The following CTNND2 variants were observed in gnomAD, a reference collection of about 807,000 sequenced individuals.
CTNND2 encodes catenin delta-2.
A neutral mutation model predicts 144.4 loss-of-function variants in CTNND2; 22 were observed. The observed-to-expected ratio is 0.15, with a 90% CI of 0.11 to 0.22. The LOEUF is 0.22. Among genes scored for constraint, CTNND2 ranks in the 10% least tolerant of loss-of-function variants. The probability of loss-of-function intolerance (pLI) is 1.00; values close to 1 mark genes in which losing one functional copy is unlikely to be tolerated. For synonymous variants in CTNND2, 751 were observed against 695.6 expected (o/e 1.08, Z -1.25); for missense variants, 1,353 against 1,618.8 (o/e 0.84, Z 2.82).
At chr5:11,263,100 T>C (rs1745081895) in intron 9 of CTNND2, among the ~76,000 whole-genome samples, 1 of 152,204 alleles carries the variant, frequency 6.6e-6, no homozygotes, top group Admixed American at 6.5e-5. Context: ...ATCATCTGTG[T>C]GTATGACAAG....
intron 2 of CTNND2, among the ~76,000 whole-genome samples, chr5:11,621,989 C>G (rs1443780418): frequency 6.6e-6 from 1 of 152,146 alleles, no homozygotes; most frequent in East Asian, 1.9e-4. Context: ...TTCAGCATCA[C>G]TTAAAATTAA....
intron 10 of CTNND2, among the ~76,000 whole-genome samples, chr5:11,216,775 G>A (rs1334514923): frequency 2.0e-5 from 3 of 152,334 alleles, no homozygotes; most frequent in South Asian, 2.1e-4. Context: ...CTTCAGGCTC[G>A]CTGGATAAGA....
At chr5:11,657,430 T>C (rs1782971673) in intron 2 of CTNND2, among the ~76,000 whole-genome samples, 1 of 152,114 alleles carries the variant, frequency 6.6e-6, no homozygotes, top group African/African-American at 2.4e-5. Flanking sequence ...TCTCTCTCTG[T>C]TTCCTTCCTT....
At chr5:11,759,487 T>C (rs1485875040) in intron 1 of CTNND2, among the ~76,000 whole-genome samples, 1 of 152,132 alleles carries the variant, frequency 6.6e-6, no homozygotes, top group East Asian at 1.9e-4. Context: ...ATACAGATTT[T>C]TGTTAGACAA....
At chr5:11,137,941 A>T (rs1206524389) in intron 12 of CTNND2, among the ~76,000 whole-genome samples, 1 of 152,198 alleles carries the variant, frequency 6.6e-6, no homozygotes, top group African/African-American at 2.4e-5. Flanking sequence ...CTCTTATTAC[A>T]GGTTGAAAGT....
At chr5:11,063,752 C>T (rs577910975) in intron 16 of CTNND2, among the ~76,000 whole-genome samples, 1 of 135,474 alleles carries the variant, frequency 7.4e-6, no homozygotes, top group Admixed American at 8.2e-5. Context: ...AAATGCCACC[C>T]GGGAAACTAA....
chr5:11,525,894 T>C (rs564495467), intron 3 of CTNND2, among the ~76,000 whole-genome samples: 2 of 152,226 alleles, frequency 1.3e-5, no homozygotes, highest in East Asian at 3.9e-4. Flanking sequence ...TAAATCACTA[T>C]CTTACTTGTT....
At chr5:11,000,606 T>C (rs1474064325) in intron 18 of CTNND2, among the ~76,000 whole-genome samples, 2 of 152,192 alleles carry the variant, frequency 1.3e-5, no homozygotes, top group Admixed American at 6.5e-5. Context: ...GCTAGAACTG[T>C]CTGGCAAGGC....
chr5:11,510,750 G>A (rs1052477535), intron 3 of CTNND2, among the ~76,000 whole-genome samples: 3 of 152,084 alleles, frequency 2.0e-5, no homozygotes, highest in Admixed American at 2.0e-4. Context: ...GGCCAACATG[G>A]TGAAACCCCG....
intron 20 of CTNND2, among the ~76,000 whole-genome samples, chr5:10,986,058 G>A (rs1290033348): frequency 1.3e-5 from 2 of 152,130 alleles, no homozygotes; most frequent in Non-Finnish European, 2.9e-5. Context: ...AGATCTCAAT[G>A]TTCTTTCTGG....
intron 3 of CTNND2, among the ~76,000 whole-genome samples, chr5:11,490,020 T>A (rs1441998671): frequency 6.6e-6 from 1 of 152,110 alleles, no homozygotes; most frequent in Non-Finnish European, 1.5e-5. Flanking sequence ...GAGGGTAAAA[T>A]CCCTGATGTG....
At chr5:11,706,856 C>T (rs189275088) in intron 2 of CTNND2, among the ~76,000 whole-genome samples, 8 of 151,918 alleles carry the variant, frequency 5.3e-5, no homozygotes, top group Non-Finnish European at 8.8e-5. Context: ...GAGGCTGAGG[C>T]GGGCGGATCA....
rs369278854 is a variant in CTNND2, at chr5:11,687,723, G to C, written c.174+44413C>G. On this transcript the variant is annotated intron_variant, in intron 2 of 21. Transcript: ENST00000304623. ...GAGGGGAAAAATCTTAGCCCTCATGGAGCACGTGTTCTAGTGGAGACAGAC... is the reference window on the plus strand; with the variant it reads ...GAGGGGAAAAATCTTAGCCCTCATGCAGCACGTGTTCTAGTGGAGACAGAC... Among the ~76,000 whole-genome samples, 120 of 152,248 alleles carry C rather than the reference G, an allele frequency of 7.9e-4. 4 individuals carry two copies. In the South Asian group the frequency reaches 0.024, roughly 31 times the overall value.
intron 1 of CTNND2, among the ~76,000 whole-genome samples, chr5:11,899,321 T>C (rs1737670102): frequency 6.6e-6 from 1 of 152,230 alleles, no homozygotes; most frequent in African/African-American, 2.4e-5. Context: ...GTAGAAAATT[T>C]GATCTTAATC....
At chr5:11,145,355 C>A (rs1757143684) in intron 12 of CTNND2, among the ~76,000 whole-genome samples, 1 of 152,102 alleles carries the variant, frequency 6.6e-6, no homozygotes, top group Non-Finnish European at 1.5e-5. Context: ...CCTGTCCCAG[C>A]CCTACATGAC....
chr5:11,006,192 G>C (rs898497206), intron 18 of CTNND2, among the ~76,000 whole-genome samples: 3 of 152,234 alleles, frequency 2.0e-5, no homozygotes, highest in Non-Finnish European at 4.4e-5. Context: ...TTCCCACATA[G>C]AGAAAAATAA....
At chr5:11,601,865 C>T (rs1345957174) in intron 2 of CTNND2, among the ~76,000 whole-genome samples, 1 of 152,084 alleles carries the variant, frequency 6.6e-6, no homozygotes, top group African/African-American at 2.4e-5. Flanking sequence ...TGCTTCGGTA[C>T]TTAGGTACTG....
chr5:11,073,930 C>T lies in CTNND2; in HGVS notation c.2788+8766G>A, dbSNP rs138015685. Among the ~76,000 whole-genome samples the T allele has an allele frequency of 7.2e-4, 110 of 152,286 alleles. 1 individual carries two copies. The highest frequency in any genetic ancestry group is 2.2e-3 in the African/African-American group (93 of 41,556). On this transcript the variant is annotated intron_variant, in intron 16 of 21. Transcript: ENST00000304623. ...GAAATTCCAAGTGTTCTAATAAAAA[C>T]GACATCTGTCTGGGTCTGAAGAAAC...
chr5:11,329,682 GAGA>G (rs1344680189), intron 9 of CTNND2, among the ~76,000 whole-genome samples: 14 of 152,194 alleles, frequency 9.2e-5, no homozygotes, highest in African/African-American at 3.4e-4. Context: ...GAGACCAGGA[GAGA>G]AGAAGGTGGT....
Sources: allele counts gnomAD v4.1 joint callset (sites outside exome capture counted in the v4.1 genomes callset), GRCh38; gene constraint gnomAD v4.1.1; transcripts MANE v1.5; gene names NCBI Gene and HGNC (gene_info 2026-07-23, HGNC 2026-07-21).